The following ZNF727 variants were observed in gnomAD, a reference collection of about 807,000 sequenced individuals.
The protein encoded by ZNF727 is zinc finger protein 727, also known as putative zinc finger protein 727.
ZNF727 carries 11 observed loss-of-function variants against 11.5 expected under a neutral mutation model. That is an observed-to-expected ratio of 0.95 (90% CI 0.60 to 1.58). The LOEUF (loss-of-function observed/expected upper bound fraction) is 1.58. Ranked by LOEUF, ZNF727 falls within the 40% of genes most tolerant of loss-of-function variation. ZNF727 has a pLI of 0.00. For synonymous variants in ZNF727, 171 were observed against 196.1 expected (o/e 0.87, Z 1.07); for missense variants, 533 against 581.7 (o/e 0.92, Z 0.86).
At chr7:64,060,823 A>C (rs1423817452) in intron 1 of ZNF727, among the ~76,000 whole-genome samples, 1 of 151,568 alleles carries the variant, frequency 6.6e-6, no homozygotes, top group African/African-American at 2.4e-5. Flanking sequence ...TGATGTAGGC[A>C]CTTATTGCTA....
At chr7:64,068,837 G>A (rs1437906061) in intron 1 of ZNF727, 54 bp from the exon 2 acceptor site, 26 of 1,547,934 alleles carry the variant, frequency 1.7e-5, no homozygotes, top group Admixed American at 2.0e-5. Flanking sequence ...TTTACCTGAT[G>A]TCAAATCAAG....
intron 3 of ZNF727, among the ~76,000 whole-genome samples, chr7:64,072,083 T>C (rs1245273448): frequency 2.0e-5 from 3 of 152,214 alleles, no homozygotes; most frequent in Admixed American, 1.3e-4. Flanking sequence ...TAATTACATA[T>C]AAATTTTAAG....
At chr7:64,072,468 C>T (rs1386028175) in intron 3 of ZNF727, among the ~76,000 whole-genome samples, 1 of 152,116 alleles carries the variant, frequency 6.6e-6, no homozygotes, top group Middle Eastern at 3.2e-3. Flanking sequence ...GAGTATGTGG[C>T]AGGATTTCCT....
intron 1 of ZNF727, among the ~76,000 whole-genome samples, chr7:64,066,366 A>G (rs1176388246): frequency 6.6e-6 from 1 of 152,228 alleles, no homozygotes; most frequent in African/African-American, 2.4e-5. Flanking sequence ...CAAAAAGAAC[A>G]AAGCTGGAGG....
At chr7:64,054,544 T>A (rs539263777) in intron 1 of ZNF727, among the ~76,000 whole-genome samples, 8 of 152,304 alleles carry the variant, frequency 5.3e-5, no homozygotes, top group African/African-American at 1.9e-4. Flanking sequence ...ACAAATAAGG[T>A]CACAGGGAAT....
chr7:64,069,668 A>C (rs192469801), intron 3 of ZNF727, 59 bp downstream of exon 3: 1 of 1,323,692 alleles, frequency 7.6e-7, no homozygotes, highest in East Asian at 2.5e-5. Flanking sequence ...TCAAGGAGGA[A>C]GCCAGACCTT....
At chr7:64,067,082 G>A (rs577003063) in intron 1 of ZNF727, among the ~76,000 whole-genome samples, 1 of 152,190 alleles carries the variant, frequency 6.6e-6, no homozygotes, top group Non-Finnish European at 1.5e-5. Context: ...CAAAAAGTGG[G>A]CAAAGGATAC....
chr7:64,050,869 G>A (rs879353130), intron 1 of ZNF727, among the ~76,000 whole-genome samples: 2 of 151,614 alleles, frequency 1.3e-5, no homozygotes, highest in African/African-American at 2.4e-5. Flanking sequence ...TTTGACTGTA[G>A]AGCTTTTAAG....
At chr7:64,075,944 A>G (rs1785642292) in intron 3 of ZNF727, among the ~76,000 whole-genome samples, 1 of 152,244 alleles carries the variant, frequency 6.6e-6, no homozygotes, top group Non-Finnish European at 1.5e-5. Flanking sequence ...GTCACATTTA[A>G]AATGCATGGC....
intron 1 of ZNF727, among the ~76,000 whole-genome samples, chr7:64,060,303 G>A (rs1348763546): frequency 1.3e-5 from 2 of 152,156 alleles, no homozygotes; most frequent in African/African-American, 4.8e-5. Flanking sequence ...AGATAATTTT[G>A]TTTTTAATTA....
At chr7:64,066,846 A>C (rs1789877168) in intron 1 of ZNF727, among the ~76,000 whole-genome samples, 1 of 152,214 alleles carries the variant, frequency 6.6e-6, no homozygotes, top group Admixed American at 6.5e-5. Context: ...AAAAGAAACT[A>C]TCCTCAGAGT....
intron 1 of ZNF727, among the ~76,000 whole-genome samples, chr7:64,067,559 A>G (rs918784944): frequency 6.6e-6 from 1 of 152,190 alleles, no homozygotes; most frequent in Non-Finnish European, 1.5e-5. Flanking sequence ...ATGCAGCCAT[A>G]AAAAAGAATG....
rs1225930630 is a variant in ZNF727, at chr7:64,077,455, T to C, written c.406T>C (p.Cys136Arg). Residue 136 changes from cysteine to arginine, a missense_variant, in exon 4 of 4, where the codon TGT (cysteine) becomes CGT (arginine). Physicochemically the swap from Cys to Arg is radical, Grantham distance 180. Coordinates refer to ENST00000456806, the MANE Select transcript of ZNF727 (RefSeq NM_001159522.3). ...AAGCAGTTATAATGGCATTCATCAA[T>C]GTTTGTCAGCTACCCGTAGCAAAAC... Reference protein sequence around the residue: ...QKSSYNGIHQCLSATRSKTCQ... With the variant: ...QKSSYNGIHQRLSATRSKTCQ... 2 of 1,551,548 alleles carry C rather than the reference T, an allele frequency of 1.3e-6. No individual in the cohort carries two copies.
In ZNF727 at chr7:64,080,738, CT is replaced by C. The variant is rs1405398070; in HGVS notation, c.*2192del. Among the ~76,000 whole-genome samples, 2 of 152,008 alleles carry C rather than the reference CT, an allele frequency of 1.3e-5. No individual in the cohort carries two copies. The highest frequency in any genetic ancestry group is 2.9e-5 in the Non-Finnish European group (2 of 68,022). On this transcript the variant is annotated 3_prime_UTR_variant, in exon 4 of 4. Coordinates refer to ENST00000456806, the MANE Select transcript of ZNF727 (RefSeq NM_001159522.3). Reference sequence around the variant, plus strand: ...CATTTTTGCACTGATTTTGTCTCATCTTTGTGGGCGTATCTTTAAAGTTGCT... The same window carrying C: ...CATTTTTGCACTGATTTTGTCTCATCTTGTGGGCGTATCTTTAAAGTTGCT...
intron 1 of ZNF727, among the ~76,000 whole-genome samples, chr7:64,064,387 C>A (rs575795341): frequency 6.6e-6 from 1 of 152,170 alleles, no homozygotes; most frequent in African/African-American, 2.4e-5. Context: ...AGAACTGTCA[C>A]CCAGGAACTA....
At chr7:64,057,780 A>T (rs567695883) in intron 1 of ZNF727, among the ~76,000 whole-genome samples, 1 of 152,142 alleles carries the variant, frequency 6.6e-6, no homozygotes, top group African/African-American at 2.4e-5. Flanking sequence ...AAAAATTCAT[A>T]GTAAACACAT....
In ZNF727 at chr7:64,053,357, GT is replaced by G. The variant is rs1322083390; in HGVS notation, c.3+7734del. Among the ~76,000 whole-genome samples the G allele has an allele frequency of 2.6e-5, 4 of 152,210 alleles. No homozygotes were observed. In the East Asian group the frequency reaches 7.7e-4, roughly 29 times the overall value. On this transcript the variant is annotated intron_variant, in intron 1 of 3. Transcript: ENST00000456806. ...TTCTTTGGAGACAGAATCTCACTCT[GT>G]CCCCCAGGCTGGAGTGCAGTGGCAC... is the stretch of plus-strand genomic sequence containing the variant.
At chr7:64,049,597 A>G (rs1052055015) in intron 1 of ZNF727, among the ~76,000 whole-genome samples, 1 of 151,946 alleles carries the variant, frequency 6.6e-6, no homozygotes, top group Admixed American at 6.5e-5. Flanking sequence ...ACATTTAGAA[A>G]TATATATTTT....
chr7:64,067,038 C>G (rs1314570397), intron 1 of ZNF727, among the ~76,000 whole-genome samples: 1 of 152,066 alleles, frequency 6.6e-6, no homozygotes, highest in African/African-American at 2.4e-5. Context: ...CTGCAAGGAA[C>G]TTAAACAAAT....
Sources: allele counts gnomAD v4.1 joint callset (sites outside exome capture counted in the v4.1 genomes callset), GRCh38; gene constraint gnomAD v4.1.1; transcripts MANE v1.5; gene names NCBI Gene and HGNC (gene_info 2026-07-23, HGNC 2026-07-21).